The following VCAN variants were observed in gnomAD, a reference collection of about 807,000 sequenced individuals.
VCAN encodes versican core protein.
In VCAN, 44 loss-of-function variants were observed where a neutral mutation model predicts 245.5. The observed-to-expected ratio is 0.18, with a 90% confidence interval of 0.14 to 0.23. The LOEUF is 0.23. Among genes scored for constraint, VCAN ranks in the 10% least tolerant of loss-of-function variants. The pLI is 1.00. For missense variants in VCAN, 3,793 were observed against 4,057.9 expected (o/e 0.93, Z 1.77); for synonymous variants, 1,413 against 1,437.0 (o/e 0.98, Z 0.38).
At chr5:83,485,360 C>G (rs1744757968) in intron 2 of VCAN, among the ~76,000 whole-genome samples, 1 of 147,268 alleles carries the variant, frequency 6.8e-6, no homozygotes, top group African/African-American at 2.5e-5. Context: ...GCCGGGATTG[C>G]ATCATTGCAC....
intron 2 of VCAN, among the ~76,000 whole-genome samples, chr5:83,487,158 C>T (rs997172506): frequency 6.6e-6 from 1 of 152,046 alleles, no homozygotes; most frequent in African/African-American, 2.4e-5. Context: ...CATGCACAGT[C>T]GTGAATAAGT....
rs1469302119 is a variant in VCAN at position 83,494,058 on chromosome 5, A to G, written c.748+127A>G. The G allele has an allele frequency of 6.7e-6, 10 of 1,484,304 alleles. No homozygotes were observed. The East Asian group carries it at 6.9e-5, about 10-fold the overall frequency. The allele number at this position is 1,484,304 out of a possible 1,614,324, so 91.9% of individuals were successfully genotyped here. On this transcript the variant is annotated intron_variant, in intron 5 of 14. Coordinates refer to ENST00000265077, the MANE Select transcript of VCAN (RefSeq NM_004385.5). The stretch of plus-strand genomic sequence containing the variant: ...CAAACGGTGGCATTTTGTTTATACG[A>G]CTGTATGATTTTGTGGTAAAATAAG...
Position 83,540,639 on chromosome 5 carries a change from G to T in VCAN, c.7636G>T (p.Asp2546Tyr), listed in dbSNP as rs376041406. 6.8e-6 allele frequency: 11 copies of T among 1,613,638 alleles called. No homozygotes were observed. The highest frequency in any genetic ancestry group is 1.1e-5 in the South Asian group (1 of 91,058). Residue 2546 changes from aspartate to tyrosine, a missense_variant, in exon 8 of 15, where the codon GAC becomes TAC. By Grantham distance (160) the Asp-to-Tyr change is radical. This residue lies in a region of VCAN where 3,182 missense variants were observed against 3,250.3 expected (regional missense o/e 0.98). Transcript: ENST00000265077. ...RKKPTENIII[D>Y]LDKEDKDLIL... Reference sequence around the variant, plus strand: ...AAAACCCACTGAAAATATTATCATAGACCTGGACAAAGAGGACAAGGATTT... The same window carrying T: ...AAAACCCACTGAAAATATTATCATATACCTGGACAAAGAGGACAAGGATTT...
intron 6 of VCAN, among the ~76,000 whole-genome samples, chr5:83,515,157 G>A (rs1425762058): frequency 6.6e-6 from 1 of 152,176 alleles, no homozygotes; most frequent in Non-Finnish European, 1.5e-5. Context: ...TAATGTCTTT[G>A]TAAGATAAAG....
At position 83,538,995 on chromosome 5, in the gene VCAN, G is replaced by C. The variant is rs1484550800; in HGVS notation, c.5992G>C (p.Ala1998Pro). 1 of 1,613,884 alleles carries C rather than the reference G, an allele frequency of 6.2e-7. No individual in the cohort carries two copies. Among genetic ancestry groups the C allele is most frequent in the Non-Finnish European group, 8.5e-7 (1 of 1,179,972 alleles). Residue 1998 changes from alanine to proline, a missense_variant, in exon 8 of 15, where the codon GCC becomes CCC. Physicochemically the swap from Ala to Pro is conservative, Grantham distance 27 (BLOSUM62 -1). Around this residue, in one of 5 missense-constraint regions of VCAN, gnomAD observed 3,182 missense variants for 3,250.3 expected, o/e 0.98. Transcript: ENST00000265077. ...CAGTAGCACCATGGTCAGCACTTCA[G>C]CCTTCCCCTGGGAAGAGTTTACATC... The part of the protein sequence containing the change: ...GPSSTMVSTS[A>P]FPWEEFTSSA...
At position 83,564,950 on chromosome 5, in the gene VCAN, G is replaced by C. The variant is rs181209195; in HGVS notation, c.9736-7466G>C. Among the ~76,000 whole-genome samples, 83 of 152,084 alleles carry C rather than the reference G, an allele frequency of 5.5e-4. 1 individual carries two copies. The highest frequency in any genetic ancestry group is 1.4e-3 in the Admixed American group (22 of 15,272). ...GGCCATTTAAGGTAATCTAAACTAT[G>C]GCGAATTTTAAAAAACAAAAGGTGA... On this transcript the variant is annotated intron_variant, in intron 12 of 14. Transcript: ENST00000265077.
rs935236352 is a variant in VCAN at position 83,485,945 on chromosome 5, T to A, written c.70+2357T>A. Reference sequence around the variant, plus strand: ...TGAGACCCTATCTCTACAAACATTTTAAAAAATTAGCCGGGGGTGGTGGCT... The same window carrying A: ...TGAGACCCTATCTCTACAAACATTTAAAAAAATTAGCCGGGGGTGGTGGCT... On this transcript the variant is annotated intron_variant, in intron 2 of 14. Coordinates refer to ENST00000265077, the MANE Select transcript of VCAN (RefSeq NM_004385.5). Among the ~76,000 whole-genome samples the A allele has an allele frequency of 3.3e-5, 5 of 151,962 alleles. No homozygotes were observed. The East Asian group carries it at 5.8e-4, about 18-fold the overall frequency.
chr5:83,493,472 C>A, intron 3 of VCAN, 74 bp from the exon 4 acceptor site: 1 of 1,589,048 alleles, frequency 6.3e-7, no homozygotes, highest in Non-Finnish European at 8.6e-7. Flanking sequence ...TGATACATTG[C>A]TCCAATGAGA....
Position 83,522,016 on chromosome 5 carries a change from A to G in VCAN, c.3710A>G (p.Asp1237Gly). The G allele has an allele frequency of 6.2e-7, 1 of 1,614,226 alleles. No individual in the cohort carries two copies. Among genetic ancestry groups the G allele is most frequent in the Non-Finnish European group, 8.5e-7 (1 of 1,180,028 alleles). The change falls in exon 7 of 15, where the codon GAC becomes GGC. Residue 1237 changes from aspartate (D) to glycine (G), a missense_variant. Physicochemically the swap from Asp to Gly is moderately conservative, Grantham distance 94. This residue lies in a region of VCAN where 3,182 missense variants were observed against 3,250.3 expected (regional missense o/e 0.98). Coordinates refer to ENST00000265077, the MANE Select transcript of VCAN (RefSeq NM_004385.5). ...SAITKKPPLI[D>G]REPGEETTSD... ...ATCACTAAGAAACCACCTCTCATCG[A>G]CAGGGAACCTGGTGAAGAAACAACC... is the stretch of plus-strand genomic sequence containing the variant.
chr5:83,490,085 C>T lies in VCAN; in HGVS notation c.71-13C>T, dbSNP rs541874919. ...TTTAAGATTGTTAATTTGTTATTTT[C>T]TCTTTCCTCTAGTCAAAGTGGGAAA... On this transcript the variant is annotated splice_polypyrimidine_tract_variant and intron_variant, in intron 2 of 14. Transcript: ENST00000265077. 33 of 1,613,304 alleles carry T rather than the reference C, an allele frequency of 2.0e-5. No homozygotes were observed. In the South Asian group the frequency reaches 3.4e-4, roughly 17 times the overall value.
At chr5:83,562,476 A>G (rs906827972) in intron 12 of VCAN, among the ~76,000 whole-genome samples, 32 of 152,118 alleles carry the variant, frequency 2.1e-4, no homozygotes, top group Non-Finnish European at 4.0e-4. Flanking sequence ...AACCATATTT[A>G]CTCACTACTG....
rs772752443 is a variant in VCAN at position 83,493,801 on chromosome 5, C to T, written c.621-3C>T. On this transcript the variant is annotated splice_region_variant and splice_polypyrimidine_tract_variant and intron_variant, in intron 4 of 14. Coordinates refer to ENST00000265077, the MANE Select transcript of VCAN (RefSeq NM_004385.5). Reference sequence around the variant, plus strand: ...GCCACTAACTAGCCATTTATTTCCCCAGATATCCCATCCGGGCTCCCAGAG... The same window carrying T: ...GCCACTAACTAGCCATTTATTTCCCTAGATATCCCATCCGGGCTCCCAGAG... 2.5e-6 allele frequency: 4 copies of T among 1,614,138 alleles called. No individual in the cohort carries two copies. The highest frequency in any genetic ancestry group is 1.6e-4 in the Middle Eastern group (1 of 6,062).
At chr5:83,507,347 C>T (rs1745511986) in intron 5 of VCAN, among the ~76,000 whole-genome samples, 1 of 152,176 alleles carries the variant, frequency 6.6e-6, no homozygotes, top group Admixed American at 6.5e-5. Context: ...TAGAACACAA[C>T]TTTGTTCTAT....
intron 7 of VCAN, among the ~76,000 whole-genome samples, chr5:83,528,686 T>TA (rs1746395746): frequency 6.6e-6 from 1 of 152,132 alleles, no homozygotes; most frequent in Non-Finnish European, 1.5e-5. Context: ...ATTACACACT[T>TA]ACAAAGTTAA....
intron 5 of VCAN, among the ~76,000 whole-genome samples, chr5:83,497,558 A>G (rs1165229639): frequency 2.0e-5 from 3 of 152,248 alleles, no homozygotes; most frequent in Admixed American, 6.5e-5. Context: ...TCTGGAAATT[A>G]TGATGGCTTA....
intron 2 of VCAN, among the ~76,000 whole-genome samples, chr5:83,484,970 G>C (rs1744745968): frequency 6.6e-6 from 1 of 152,192 alleles, no homozygotes; most frequent in Non-Finnish European, 1.5e-5. Context: ...TGATCAAGGG[G>C]AAAGTAGGAG....
chr5:83,554,833 C>G, intron 11 of VCAN, 123 bp from the exon 12 acceptor site: 1 of 897,186 alleles, frequency 1.1e-6, no homozygotes, highest in South Asian at 1.4e-5. Flanking sequence ...TTATGAGCAA[C>G]TAAATAAAAA....
intron 8 of VCAN, among the ~76,000 whole-genome samples, chr5:83,543,756 T>C (rs1316426166): frequency 6.6e-6 from 1 of 152,186 alleles, no homozygotes; most frequent in East Asian, 1.9e-4. Flanking sequence ...GTACCAATTT[T>C]CCAGTTTACA....
chr5:83,548,918 G>A (rs375213509), intron 10 of VCAN, among the ~76,000 whole-genome samples: 13 of 152,294 alleles, frequency 8.5e-5, no homozygotes, highest in South Asian at 8.3e-4. Flanking sequence ...ATGTCACTGC[G>A]ATGAATGCAA....
Sources: gnomAD v4.1 joint callset for allele counts (sites outside exome capture counted in the v4.1 genomes callset) on GRCh38, gnomAD v4.1.1 for gene constraint, gnomAD v4.1.1 regional missense constraint, MANE v1.5 for transcripts, NCBI Gene and HGNC (gene_info 2026-07-23, HGNC 2026-07-21) for gene names.